The following RPH3A variants were observed in gnomAD, a reference collection of about 807,000 sequenced individuals.
The protein encoded by RPH3A is rabphilin-3A.
In RPH3A, 48 loss-of-function variants were observed where a neutral mutation model predicts 102.2. That is an observed-to-expected ratio of 0.47 (90% CI 0.37 to 0.60). RPH3A has a LOEUF of 0.60. Among genes scored for constraint, RPH3A ranks in the 20% least tolerant of loss-of-function variants. The probability of loss-of-function intolerance (pLI) is 0.00; values close to 1 mark genes in which losing one functional copy is unlikely to be tolerated. For missense variants in RPH3A, 781 were observed against 910.1 expected (o/e 0.86, Z 1.83); for synonymous variants, 310 against 324.3 (o/e 0.96, Z 0.47).
At chr12:112,713,979 C>T (rs1423824703) in intron 1 of RPH3A, among the ~76,000 whole-genome samples, 2 of 152,268 alleles carry the variant, frequency 1.3e-5, no homozygotes, top group Middle Eastern at 3.4e-3. Flanking sequence ...CACGGTGTGC[C>T]TCAGTTTCCC....
At chr12:112,818,127 C>T (rs1430987169) in intron 2 of RPH3A, among the ~76,000 whole-genome samples, 5 of 151,256 alleles carry the variant, frequency 3.3e-5, no homozygotes, top group South Asian at 2.1e-4. Context: ...GGTGAAACCC[C>T]GTCTCTACTA....
chr12:112,809,268 C>G (rs1045716178), intron 2 of RPH3A, among the ~76,000 whole-genome samples: 1 of 152,076 alleles, frequency 6.6e-6, no homozygotes, highest in Admixed American at 6.6e-5. Context: ...TGAGGGTTTC[C>G]TGGGGTATGC....
chr12:112,712,221 A>T (rs1198156114), intron 1 of RPH3A, among the ~76,000 whole-genome samples: 1 of 152,160 alleles, frequency 6.6e-6, no homozygotes, highest in African/African-American at 2.4e-5. Context: ...ACACGCATGC[A>T]CGCACGCAGG....
chr12:112,785,311 C>T (rs896588910), intron 1 of RPH3A, among the ~76,000 whole-genome samples: 4 of 151,256 alleles, frequency 2.6e-5, no homozygotes, highest in African/African-American at 7.3e-5. Flanking sequence ...GGAATGATTT[C>T]AGGACTGACT....
At chr12:112,881,408 C>G (rs923807929) in intron 14 of RPH3A, among the ~76,000 whole-genome samples, 3 of 152,148 alleles carry the variant, frequency 2.0e-5, no homozygotes, top group Non-Finnish European at 4.4e-5. Flanking sequence ...AACAATCCAG[C>G]CTTGATCCAG....
At chr12:112,596,541 T>C (rs2039517720) in intron 1 of RPH3A, among the ~76,000 whole-genome samples, 1 of 152,228 alleles carries the variant, frequency 6.6e-6, no homozygotes, top group Admixed American at 6.5e-5. Context: ...TGACTGGATG[T>C]GTGTGGCTCC....
intron 21 of RPH3A, 87 bp downstream of exon 21, chr12:112,895,960 T>A: frequency 1.2e-6 from 1 of 859,648 alleles, no homozygotes; most frequent in Non-Finnish European, 1.9e-6. Flanking sequence ...AGAGTTGAGG[T>A]CATTGCTATT....
chr12:112,754,171 G>A (rs540097573), intron 1 of RPH3A, among the ~76,000 whole-genome samples: 1 of 152,232 alleles, frequency 6.6e-6, no homozygotes, highest in African/African-American at 2.4e-5. Context: ...TATAGCAGAA[G>A]TAGGAAATTA....
chr12:112,627,226 A>AG (rs1174379857), intron 1 of RPH3A, among the ~76,000 whole-genome samples: 1 of 151,698 alleles, frequency 6.6e-6, no homozygotes, highest in Admixed American at 6.6e-5. Flanking sequence ...AATTTAAAAA[A>AG]AATATTTGTA....
chr12:112,682,351 C>CTTTTTT (rs1314037530), intron 1 of RPH3A, among the ~76,000 whole-genome samples: 1 of 77,684 alleles, frequency 1.3e-5, no homozygotes, highest in Non-Finnish European at 2.5e-5. Context: ...TTTTTTCTTT[C>CTTTTTT]TTTCTTTTTT....
At chr12:112,842,212 A>C (rs543616292) in intron 4 of RPH3A, among the ~76,000 whole-genome samples, 2 of 152,284 alleles carry the variant, frequency 1.3e-5, no homozygotes, top group South Asian at 4.1e-4. Flanking sequence ...CTATTAGGTA[A>C]TTTTTCACTG....
intron 5 of RPH3A, among the ~76,000 whole-genome samples, chr12:112,862,012 CAAAAAAAA>C (rs56918360): frequency 1.0e-4 from 8 of 78,498 alleles, no homozygotes; most frequent in Non-Finnish European, 1.8e-4. Context: ...GACTCCGTCT[CAAAAAAAA>C]AAAAAAAAAA....
intron 2 of RPH3A, among the ~76,000 whole-genome samples, chr12:112,816,588 G>T (rs1297375143): frequency 1.3e-5 from 2 of 152,136 alleles, no homozygotes; most frequent in African/African-American, 2.4e-5. Flanking sequence ...AGGTCATGTG[G>T]CCACTCCCAG....
intron 1 of RPH3A, among the ~76,000 whole-genome samples, chr12:112,631,541 G>T (rs996479552): frequency 1.3e-5 from 2 of 151,876 alleles, no homozygotes; most frequent in Non-Finnish European, 2.9e-5. Context: ...TTGAGACAGG[G>T]TCTCTGTCTG....
chr12:112,860,013 C>T (rs1474867902), intron 5 of RPH3A, among the ~76,000 whole-genome samples: 2 of 152,318 alleles, frequency 1.3e-5, no homozygotes, highest in Admixed American at 6.5e-5. Flanking sequence ...GGGTAGAGAG[C>T]GTCTCCCATA....
At chr12:112,578,300 A>T (rs747990117) in intron 1 of RPH3A, among the ~76,000 whole-genome samples, 10 of 152,168 alleles carry the variant, frequency 6.6e-5, no homozygotes, top group Non-Finnish European at 1.2e-4. Flanking sequence ...GGAAGAAAAA[A>T]AGCTTTCAAG....
intron 1 of RPH3A, among the ~76,000 whole-genome samples, chr12:112,603,709 T>G (rs1192203916): frequency 6.6e-6 from 1 of 152,184 alleles, no homozygotes; most frequent in African/African-American, 2.4e-5. Flanking sequence ...TTTAGTAACA[T>G]TATGAATCTG....
chr12:112,882,308 A>G (rs2042928348), intron 15 of RPH3A, among the ~76,000 whole-genome samples: 2 of 151,762 alleles, frequency 1.3e-5, no homozygotes, highest in Non-Finnish European at 2.9e-5. Flanking sequence ...CTCTCCCCTC[A>G]AGCTCACCGG....
intron 1 of RPH3A, among the ~76,000 whole-genome samples, chr12:112,708,803 G>A (rs1368202042): frequency 2.0e-5 from 3 of 152,124 alleles, no homozygotes; most frequent in Non-Finnish European, 4.4e-5. Context: ...CCAGGTGAAA[G>A]GGATGGCTGG....
Sources: gnomAD v4.1 joint callset for allele counts (sites outside exome capture counted in the v4.1 genomes callset) on GRCh38, gnomAD v4.1.1 for gene constraint, MANE v1.5 for transcripts, NCBI Gene and HGNC (gene_info 2026-07-23, HGNC 2026-07-21) for gene names.